The following KIAA0319L variants were observed in gnomAD, a reference collection of about 807,000 sequenced individuals.
KIAA0319L encodes the protein KIAA0319 like.
A neutral mutation model predicts 120.1 loss-of-function variants in KIAA0319L; 55 were observed. The ratio of observed to expected loss-of-function variants is 0.46; its 90% CI spans 0.37 to 0.57. The LOEUF is 0.57. Ranked by LOEUF, KIAA0319L falls within the 20% of genes least tolerant of loss-of-function variation. The probability of loss-of-function intolerance (pLI) is 0.00; values close to 1 mark genes in which losing one functional copy is unlikely to be tolerated. For synonymous variants in KIAA0319L, 398 were observed against 471.9 expected, an observed-to-expected ratio of 0.84 and a Z score of 2.03; for missense variants, 1,049 against 1,255.3, an observed-to-expected ratio of 0.84 and a Z score of 2.48.
intron 2 of KIAA0319L, among the ~76,000 whole-genome samples, chr1:35,529,621 T>C (rs1646284784): frequency 6.6e-6 from 1 of 152,260 alleles, no homozygotes; most frequent in South Asian, 2.1e-4. Context: ...TTCAGCACTT[T>C]GAATATATCA....
chr1:35,548,121 GA>G (rs541658700), intron 2 of KIAA0319L, among the ~76,000 whole-genome samples: 66 of 133,780 alleles, frequency 4.9e-4, no homozygotes, highest in South Asian at 7.3e-4. Flanking sequence ...ACTCTGTCTC[GA>G]AAAAAAAAAA....
At chr1:35,442,171 G>T in intron 19 of KIAA0319L, 75 bp downstream of exon 19, 2 of 1,112,494 alleles carry the variant, frequency 1.8e-6, no homozygotes, top group South Asian at 1.2e-5. Flanking sequence ...CCACGTGGAA[G>T]GTGCCAAATA....
chr1:35,453,633 C>T lies in KIAA0319L; in HGVS notation c.1837G>A (p.Val613Met). Residue 613 changes from valine (V) to methionine (M), a missense_variant, in exon 12 of 21, where the codon GTG (valine) becomes ATG (methionine). Val to Met is a conservative substitution (Grantham distance 21). Transcript: ENST00000325722. The surrounding 1 kb of genome is among the most constrained non-coding windows in gnomAD (Gnocchi z 4.1). ...CTGCCATCCAGGGTTGTGCTATCCACAGGAAGGGTCAGCTCTTTATCTGGG... is the reference window on the plus strand; with the variant it reads ...CTGCCATCCAGGGTTGTGCTATCCATAGGAAGGGTCAGCTCTTTATCTGGG... ...AGPDKELTLP[V>M]DSTTLDGSKS... 6.2e-7 allele frequency: 1 copy of T among 1,613,976 alleles called. No individual in the cohort carries two copies. The highest frequency in any genetic ancestry group is 1.3e-5 in the African/African-American group (1 of 75,004).
intron 8 of KIAA0319L, among the ~76,000 whole-genome samples, chr1:35,460,982 T>A (rs774373236): frequency 6.6e-6 from 1 of 152,210 alleles, no homozygotes; most frequent in Non-Finnish European, 1.5e-5. Context: ...GTGTTAAACA[T>A]CATGTTTACA....
chr1:35,440,099 C>T (rs1367877808), intron 20 of KIAA0319L: 5 of 152,264 alleles, frequency 3.3e-5, no homozygotes, highest in African/African-American at 9.6e-5. Flanking sequence ...ATGCCCCGCC[C>T]GCCCTCACTG....
chr1:35,435,186 A>T, intron 20 of KIAA0319L, 105 bp from the exon 21 acceptor site: 1 of 1,005,094 alleles, frequency 9.9e-7, no homozygotes, highest in Non-Finnish European at 1.5e-6. Flanking sequence ...GGCAAGTCAC[A>T]GGCTCCTCTC....
At chr1:35,478,930 C>CT in intron 4 of KIAA0319L, 36 bp downstream of exon 4, 1 of 1,604,548 alleles carries the variant, frequency 6.2e-7, no homozygotes. Flanking sequence ...AAATGTTCTA[C>CT]TTTTTCCTTC....
In KIAA0319L at chr1:35,507,056, C is replaced by A. The variant is rs763166203; in HGVS notation, c.222G>T (p.Trp74Cys). 3.8e-6 allele frequency: 6 copies of A among 1,588,382 alleles called. No homozygotes were observed. Among genetic ancestry groups the A allele is most frequent in the Non-Finnish European group, 4.3e-6 (5 of 1,168,016 alleles). The stretch of plus-strand genomic sequence containing the variant: ...GGAGAGAGGGGGTTCCTTCAAGAAG[C>A]CAGAGGTGATTTTCTCCCCCAGATC... Reference protein sequence around the residue: ...GLRSGGENHLWLLEGTPSLQS... With the variant: ...GLRSGGENHLCLLEGTPSLQS... The change falls in exon 3 of 21, where the codon TGG (tryptophan) becomes TGT (cysteine). Residue 74 changes from tryptophan (W) to cysteine (C), a missense_variant. By Grantham distance (215) the Trp-to-Cys change is radical. Transcript: ENST00000325722.
chr1:35,552,240 G>A lies in KIAA0319L; in HGVS notation c.142+2110C>T, dbSNP rs142691152. On this transcript the variant is annotated intron_variant, in intron 2 of 20. Coordinates refer to ENST00000325722, the MANE Select transcript of KIAA0319L (RefSeq NM_024874.5). ...GCCTGTAGTCCCACCTATTCGGGAG[G>A]CTGACGCAGGAGAATCACTTGAACC... 2.1e-4 allele frequency among the ~76,000 whole-genome samples: 32 copies of A among 152,268 alleles called. No homozygotes were observed. In the East Asian group the frequency reaches 6.2e-3, roughly 29 times the overall value.
At chr1:35,469,388 G>A (rs2149122054) in intron 6 of KIAA0319L, among the ~76,000 whole-genome samples, 1 of 152,258 alleles carries the variant, frequency 6.6e-6, no homozygotes, top group Middle Eastern at 3.4e-3. Context: ...CTAATCTGAA[G>A]ATCTAAACAT....
intron 2 of KIAA0319L, among the ~76,000 whole-genome samples, chr1:35,534,496 A>T (rs1171083860): frequency 2.0e-5 from 3 of 152,224 alleles, no homozygotes; most frequent in Non-Finnish European, 4.4e-5. Context: ...TTACAACAGC[A>T]AGTCCTTTCC....
chr1:35,471,438 G>T (rs1398835042), intron 5 of KIAA0319L, among the ~76,000 whole-genome samples: 1 of 152,154 alleles, frequency 6.6e-6, no homozygotes, highest in Non-Finnish European at 1.5e-5. Flanking sequence ...TCACACCCTG[G>T]TGAGTTAAAA....
At chr1:35,498,002 G>A (rs1470144045) in intron 3 of KIAA0319L, among the ~76,000 whole-genome samples, 1 of 152,180 alleles carries the variant, frequency 6.6e-6, no homozygotes, top group Non-Finnish European at 1.5e-5. Context: ...TAAGGAAACA[G>A]AAACAGGAGA....
intron 2 of KIAA0319L, among the ~76,000 whole-genome samples, chr1:35,539,637 A>C (rs1013928490): frequency 6.6e-6 from 1 of 152,146 alleles, no homozygotes; most frequent in African/African-American, 2.4e-5. Context: ...GATGCAGATT[A>C]CTCAACTTTC....
At chr1:35,491,552 G>A (rs1011534326) in intron 3 of KIAA0319L, among the ~76,000 whole-genome samples, 4 of 152,018 alleles carry the variant, frequency 2.6e-5, no homozygotes, top group Admixed American at 6.6e-5. Context: ...ACAGTATCTC[G>A]AAAGTACTGA....
At chr1:35,466,283 A>C (rs1413342147) in intron 7 of KIAA0319L, among the ~76,000 whole-genome samples, 1 of 151,992 alleles carries the variant, frequency 6.6e-6, no homozygotes, top group Non-Finnish European at 1.5e-5. Context: ...TGCTTCTCCT[A>C]GGCTCTTGGC....
chr1:35,496,116 T>C (rs1187492760), intron 3 of KIAA0319L, among the ~76,000 whole-genome samples: 1 of 152,152 alleles, frequency 6.6e-6, no homozygotes, highest in African/African-American at 2.4e-5. Context: ...TGATAAAAAG[T>C]TAAATATACC....
At chr1:35,556,307 A>G (rs779178339) in intron 1 of KIAA0319L, among the ~76,000 whole-genome samples, 1 of 152,248 alleles carries the variant, frequency 6.6e-6, no homozygotes, top group African/African-American at 2.4e-5. Flanking sequence ...CAGTCTGTCA[A>G]CTACATACGT....
chr1:35,442,819 G>T, intron 18 of KIAA0319L, 87 bp downstream of exon 18: 2 of 1,519,814 alleles, frequency 1.3e-6, no homozygotes, highest in Non-Finnish European at 1.8e-6. Context: ...CTGCTCATCT[G>T]CTTCAGAAAC....
Sources: gnomAD v4.1 joint callset for allele counts (sites outside exome capture counted in the v4.1 genomes callset) on GRCh38, gnomAD v4.1.1 for gene constraint, Gnocchi (gnomAD v3.1) non-coding constraint, MANE v1.5 for transcripts, NCBI Gene and HGNC (gene_info 2026-07-23, HGNC 2026-07-21) for gene names.